Variants in ATP8B2 observed in about 807,000 individuals in gnomAD.
ATP8B2 encodes the protein ATPase phospholipid transporting 8B2.
Under a neutral mutation model 133.4 loss-of-function variants are expected in ATP8B2, and 70 were observed. The observed-to-expected ratio is 0.52, with a 90% CI of 0.43 to 0.64. The LOEUF is 0.64. ATP8B2 is among the 30% of genes least tolerant of loss of function. The pLI is 0.00. For missense variants in ATP8B2, 1,101 were observed against 1,535.7 expected (o/e 0.72, Z 4.73); for synonymous variants, 517 against 589.5 (o/e 0.88, Z 1.78).
rs368291725 is a variant in ATP8B2, at chr1:154,331,708, T to C, written c.438+30T>C. The C allele has an allele frequency of 2.5e-6, 4 of 1,594,822 alleles. No homozygotes were observed. Among genetic ancestry groups the C allele is most frequent in the Middle Eastern group, 1.7e-4 (1 of 6,046 alleles). On this transcript the variant is annotated intron_variant, in intron 7 of 27. Coordinates refer to ENST00000368489, the MANE Select transcript of ATP8B2 (RefSeq NM_001370597.1). The surrounding 1 kb of genome is among the most constrained non-coding windows in gnomAD (Gnocchi z 4.8). ...GGGACAGGGTACCCCTCTAGGCCTG[T>C]AGGTTCTTCCTCTTCTTTGTGAGAA...
chr1:154,328,045 T>C lies in ATP8B2; in HGVS notation c.-37-60T>C, dbSNP rs1685850928. On this transcript the variant is annotated intron_variant, in intron 1 of 27. Coordinates refer to ENST00000368489, the MANE Select transcript of ATP8B2 (RefSeq NM_001370597.1). This position sits in a 1 kb window ranked among gnomAD's most constrained non-coding sequence, Gnocchi z 4.6. The stretch of plus-strand genomic sequence containing the variant: ...AAGAGGGTCTTCAAAAGAGGTCTCA[T>C]GAGGGGAGGGAAGGGTTATCCTCAG... 6 of 1,571,694 alleles carry C rather than the reference T, an allele frequency of 3.8e-6. No individual in the cohort carries two copies. The Admixed American group carries it at 1.0e-4, about 26-fold the overall frequency.
Position 154,345,130 on chromosome 1 carries a change from G to C in ATP8B2, c.2446G>C (p.Ala816Pro). 2 of 1,614,048 alleles carry C rather than the reference G, an allele frequency of 1.2e-6. No individual in the cohort carries two copies. Among genetic ancestry groups the C allele is most frequent in the Non-Finnish European group, 1.7e-6 (2 of 1,179,940 alleles). Reference sequence around the variant, plus strand: ...TGTGACGCTTGCCATTGGAGACGGAGCCAATGATGTCAGCATGATCAAAAG... The same window carrying C: ...TGTGACGCTTGCCATTGGAGACGGACCCAATGATGTCAGCATGATCAAAAG... ...KAVTLAIGDG[A>P]NDVSMIKTAH... The change falls in exon 22 of 28, where the codon GCC becomes CCC. Residue 816 changes from alanine (A) to proline (P), a missense_variant. Physicochemically the swap from Ala to Pro is conservative, Grantham distance 27 (BLOSUM62 -1). Transcript: ENST00000368489. The surrounding 1 kb of genome is among the most constrained non-coding windows in gnomAD (Gnocchi z 5.6).
rs1334882007 is a variant in ATP8B2, at chr1:154,349,225, C to A, written c.*107C>A. 2.2e-6 allele frequency: 3 copies of A among 1,383,130 alleles called. No homozygotes were observed. The highest frequency in any genetic ancestry group is 2.2e-5 in the Admixed American group (1 of 45,614). 85.7% of individuals were successfully genotyped at this position (1,383,130 alleles called of 1,614,324 possible). A position where few individuals can be genotyped will look rare whatever the true frequency, so the allele number is the denominator to read the frequency against. ...CTGGTCCTCATTCCTTGCTTCCCGTCCCCCCGGTAGACTCTGTCCTGCTGG... is the reference window on the plus strand; with the variant it reads ...CTGGTCCTCATTCCTTGCTTCCCGTACCCCCGGTAGACTCTGTCCTGCTGG... On this transcript the variant is annotated 3_prime_UTR_variant, in exon 28 of 28. Coordinates refer to ENST00000368489, the MANE Select transcript of ATP8B2 (RefSeq NM_001370597.1).
Position 154,346,772 on chromosome 1 carries a change from G to A in ATP8B2, c.3163+14G>A. 6.2e-7 allele frequency: 1 copy of A among 1,613,696 alleles called. No homozygotes were observed. The highest frequency in any genetic ancestry group is 8.5e-7 in the Non-Finnish European group (1 of 1,179,676). ...TCCGGTTTGTGGGTAAGTCCCCGTG[G>A]CCTCCTTGAATCGGTGAGGAATCAC... On this transcript the variant is annotated intron_variant, in intron 26 of 27. Coordinates refer to ENST00000368489, the MANE Select transcript of ATP8B2 (RefSeq NM_001370597.1). The surrounding 1 kb of genome is among the most constrained non-coding windows in gnomAD (Gnocchi z 4.5).
Position 154,343,091 on chromosome 1 carries a change from T to G in ATP8B2, c.1454-22T>G. On this transcript the variant is annotated intron_variant, in intron 15 of 27. Coordinates refer to ENST00000368489, the MANE Select transcript of ATP8B2 (RefSeq NM_001370597.1). This position sits in a 1 kb window ranked among gnomAD's most constrained non-coding sequence, Gnocchi z 5.8. ...GCTGAGGGAAGCCACTTATATCACGTGTATTCTTCCTCCCCACCCAGGAGA... is the reference window on the plus strand; with the variant it reads ...GCTGAGGGAAGCCACTTATATCACGGGTATTCTTCCTCCCCACCCAGGAGA... 1 of 1,606,706 alleles carries G rather than the reference T, an allele frequency of 6.2e-7. No homozygotes were observed. The highest frequency in any genetic ancestry group is 2.2e-5 in the East Asian group (1 of 44,814).
Position 154,330,800 on chromosome 1 carries a change from C to T in ATP8B2, c.91-15C>T, listed in dbSNP as rs374119776. ...GACTGGAGACTGCTCATTATCTTCT[C>T]TCCTACTGCCATAGAGTAACTGCAT... On this transcript the variant is annotated splice_polypyrimidine_tract_variant and intron_variant, in intron 3 of 27. Coordinates refer to ENST00000368489, the MANE Select transcript of ATP8B2 (RefSeq NM_001370597.1). 18 of 1,603,274 alleles carry T rather than the reference C, an allele frequency of 1.1e-5. No homozygotes were observed. The African/African-American group carries it at 1.5e-4, about 13-fold the overall frequency.
intron 26 of ATP8B2, among the ~76,000 whole-genome samples, chr1:154,347,669 G>C (rs990567622): frequency 2.0e-5 from 3 of 152,148 alleles, no homozygotes; most frequent in Non-Finnish European, 4.4e-5. Context: ...GGCCGGGCGC[G>C]GTGGCTCAAG....
intron 13 of ATP8B2, chr1:154,341,283 G>A (rs1050099519): frequency 2.3e-5 from 14 of 620,118 alleles, no homozygotes; most frequent in Admixed American, 5.3e-5. Context: ...CCAGGAATGC[G>A]AGACCAGCCT....
At chr1:154,335,176 C>T (rs1313600847) in intron 11 of ATP8B2, among the ~76,000 whole-genome samples, 1 of 152,186 alleles carries the variant, frequency 6.6e-6, no homozygotes, top group Non-Finnish European at 1.5e-5. Context: ...TGTTTCCGCC[C>T]TGGCTTTAAA....
In ATP8B2 at chr1:154,348,458, C is replaced by G; in HGVS notation, c.3214C>G (p.Leu1072Val). 1 of 1,613,998 alleles carries G rather than the reference C, an allele frequency of 6.2e-7. No homozygotes were observed. Among genetic ancestry groups the G allele is most frequent in the South Asian group, 1.1e-5 (1 of 91,080 alleles). The change falls in exon 27 of 28, where the codon CTC (leucine) becomes GTC (valine). Residue 1072 changes from leucine to valine, a missense_variant. Physicochemically the swap from Leu to Val is conservative, Grantham distance 32. Transcript: ENST00000368489. ...GCCCACGGTGTGGCTGACCATTGTG[C>G]TCACCACAGTCGTCTGCATCATGCC... ...AQPTVWLTIVLTTVVCIMPVV... is the reference protein window; with the variant it reads ...AQPTVWLTIVVTTVVCIMPVV...
chr1:154,345,778 C>A lies in ATP8B2; in HGVS notation c.2695-22C>A. ...GTAGCAAAGAAAGGTTGCATGCTCC[C>A]TTGCTCCCTGTTCTCTTCCAGACCG... On this transcript the variant is annotated intron_variant, in intron 23 of 27. Coordinates refer to ENST00000368489, the MANE Select transcript of ATP8B2 (RefSeq NM_001370597.1). The surrounding 1 kb of genome is among the most constrained non-coding windows in gnomAD (Gnocchi z 5.6). 6.3e-7 allele frequency: 1 copy of A among 1,587,068 alleles called. No individual in the cohort carries two copies. The highest frequency in any genetic ancestry group is 1.1e-5 in the South Asian group (1 of 90,472).
Position 154,344,076 on chromosome 1 carries a change from G to T in ATP8B2, c.1923+19G>T, listed in dbSNP as rs755915683. 14 of 1,614,116 alleles carry T rather than the reference G, an allele frequency of 8.7e-6. No homozygotes were observed. In the South Asian group the frequency reaches 1.5e-4, roughly 18 times the overall value. On this transcript the variant is annotated intron_variant, in intron 18 of 27. Transcript: ENST00000368489. The surrounding 1 kb of genome is among the most constrained non-coding windows in gnomAD (Gnocchi z 4.1). ...CATGATGGTACGGGCTGCGGGACGG[G>T]CCAAGGATGGGCACGGAGGGCTCAT...
chr1:154,342,846 C>A lies in ATP8B2; in HGVS notation c.1338C>A (p.Phe446Leu), dbSNP rs370361449. 4.4e-5 allele frequency: 71 copies of A among 1,614,188 alleles called. No individual in the cohort carries two copies. The East Asian group carries it at 1.5e-3, about 34-fold the overall frequency. The change falls in exon 15 of 28, where the codon TTC becomes TTA. Residue 446 changes from phenylalanine to leucine, a missense_variant. Coordinates refer to ENST00000368489, the MANE Select transcript of ATP8B2 (RefSeq NM_001370597.1). ...FSFNPLADKK[F>L]LFWDPSLLEA... ...TCAATCCTCTGGCTGACAAGAAGTT[C>A]TTATTTTGGGACCCCAGCCTGCTGG...
chr1:154,328,963 G>T lies in ATP8B2; in HGVS notation c.31+791G>T. 7.7e-7 allele frequency: 1 copy of T among 1,303,994 alleles called. No homozygotes were observed. The highest frequency in any genetic ancestry group is 1.0e-6 in the Non-Finnish European group (1 of 988,866). The allele number at this position is 1,303,994 out of a possible 1,614,324, so 80.8% of individuals were successfully genotyped here. ...AAGGCCAAGGACATATAGACGGTCT[G>T]CCCTCCCCCACTCAAACCGGGATCA... is the stretch of plus-strand genomic sequence containing the variant. On this transcript the variant is annotated intron_variant, in intron 2 of 27. Coordinates refer to ENST00000368489, the MANE Select transcript of ATP8B2 (RefSeq NM_001370597.1). The surrounding 1 kb of genome is among the most constrained non-coding windows in gnomAD (Gnocchi z 4.6).
At chr1:154,347,666 C>T (rs955755990) in intron 26 of ATP8B2, among the ~76,000 whole-genome samples, 2 of 152,074 alleles carry the variant, frequency 1.3e-5, no homozygotes, top group Non-Finnish European at 2.9e-5. Context: ...ACAGGCCGGG[C>T]GCGGTGGCTC....
At chr1:154,332,389 A>T (rs1238244562) in intron 8 of ATP8B2, among the ~76,000 whole-genome samples, 1 of 152,140 alleles carries the variant, frequency 6.6e-6, no homozygotes, top group East Asian at 1.9e-4. Context: ...CAAACAAAAA[A>T]TTTAAAAAGT....
At chr1:154,330,675 C>T in intron 3 of ATP8B2, 140 bp from the exon 4 acceptor site, 1 of 787,852 alleles carries the variant, frequency 1.3e-6, no homozygotes, top group East Asian at 2.6e-5. Context: ...CTTCTCTCCT[C>T]CTCTTTCCCC....
At chr1:154,341,325 A>T (rs947121216) in intron 13 of ATP8B2, 5 of 509,692 alleles carry the variant, frequency 9.8e-6, no homozygotes, top group Non-Finnish European at 1.8e-5. Flanking sequence ...TCCCTACAAA[A>T]AATTTAAAAA....
chr1:154,346,286 T>TTAGG lies in ATP8B2; in HGVS notation c.2834_2835insTAGG (p.Asn946ArgfsTer34). ...CCTAAGCTGTATGAGCCGGGCCAGC[T>TTAGG]GAACCTTCTCTTCAACAAGCGGGAG... On this transcript the variant is annotated frameshift_variant, in exon 25 of 28. Transcript: ENST00000368489. LOFTEE classifies it high-confidence loss of function. This position sits in a 1 kb window ranked among gnomAD's most constrained non-coding sequence, Gnocchi z 4.5. The TTAGG allele has an allele frequency of 6.2e-7, 1 of 1,614,220 alleles. No individual in the cohort carries two copies. The highest frequency in any genetic ancestry group is 8.5e-7 in the Non-Finnish European group (1 of 1,180,040).
Sources: allele counts gnomAD v4.1 joint callset (sites outside exome capture counted in the v4.1 genomes callset), GRCh38; gene constraint gnomAD v4.1.1; non-coding constraint Gnocchi (gnomAD v3.1); transcripts MANE v1.5; gene names NCBI Gene and HGNC (gene_info 2026-07-23, HGNC 2026-07-21).